ZNRF3: variants seen among roughly 807,000 people sequenced by gnomAD.
The protein encoded by ZNRF3 is zinc and ring finger 3.
In ZNRF3, 23 loss-of-function variants were observed where a neutral mutation model predicts 72.5. That is an observed-to-expected ratio of 0.32 (90% CI 0.23 to 0.45). ZNRF3 has a LOEUF of 0.45. Among genes scored for constraint, ZNRF3 ranks in the 20% least tolerant of loss-of-function variants. The probability of loss-of-function intolerance (pLI) is 1.00; values close to 1 mark genes in which losing one functional copy is unlikely to be tolerated. For synonymous variants in ZNRF3, 610 were observed against 545.3 expected, an observed-to-expected ratio of 1.12 and a Z score of -1.65; for missense variants, 1,169 against 1,272.1, an observed-to-expected ratio of 0.92 and a Z score of 1.23.
intron 1 of ZNRF3, among the ~76,000 whole-genome samples, chr22:28,957,906 C>T (rs922712156): frequency 6.6e-6 from 1 of 151,672 alleles, no homozygotes; most frequent in African/African-American, 2.4e-5. Context: ...ATAACTCTTG[C>T]TGGGCGCGGT....
intron 1 of ZNRF3, among the ~76,000 whole-genome samples, chr22:28,951,556 G>A (rs561268319): frequency 1.3e-3 from 199 of 152,256 alleles, no homozygotes; most frequent in Non-Finnish European, 2.4e-3. Context: ...CAACCCTGTC[G>A]ACATCTTGAT....
chr22:28,940,626 T>A (rs2034927094), intron 1 of ZNRF3, among the ~76,000 whole-genome samples: 1 of 151,962 alleles, frequency 6.6e-6, no homozygotes, highest in South Asian at 2.1e-4. Context: ...TGCCCTCCCC[T>A]TCAGAGGCTG....
intron 1 of ZNRF3, among the ~76,000 whole-genome samples, chr22:28,982,781 G>A (rs754880987): frequency 2.0e-5 from 3 of 152,132 alleles, no homozygotes; most frequent in Admixed American, 6.6e-5. Flanking sequence ...TCCTGAGCTC[G>A]TAACTTGGAG....
intron 1 of ZNRF3, among the ~76,000 whole-genome samples, chr22:28,919,652 G>A (rs570244502): frequency 4.1e-5 from 6 of 147,168 alleles, no homozygotes; most frequent in South Asian, 2.2e-4. Flanking sequence ...GATTACAGGC[G>A]CGTGCCACCA....
chr22:29,002,510 G>A (rs747768235), intron 2 of ZNRF3, among the ~76,000 whole-genome samples: 12 of 152,128 alleles, frequency 7.9e-5, no homozygotes, highest in African/African-American at 2.4e-5. Flanking sequence ...CTGCGCTTTC[G>A]GTGTGTTTGA....
In ZNRF3 at chr22:29,049,843, C is replaced by T. The variant is rs965735655; in HGVS notation, c.1662C>T (p.Ser554=). 2 of 1,608,798 alleles carry T rather than the reference C, an allele frequency of 1.2e-6. No individual in the cohort carries two copies. The highest frequency in any genetic ancestry group is 1.7e-6 in the Non-Finnish European group (2 of 1,177,508). The change falls in exon 8 of 9, where the codon AGC becomes AGT. Residue 554 remains serine (S), a synonymous_variant. Transcript: ENST00000544604. This position sits in a 1 kb window ranked among gnomAD's most constrained non-coding sequence, Gnocchi z 5.2. ...GCCCAGGCAGCGACAGCAGCAGCAGCAGCAGCTCCGGCCAGTGCCACTGTT... is the reference window on the plus strand; with the variant it reads ...GCCCAGGCAGCGACAGCAGCAGCAGTAGCAGCTCCGGCCAGTGCCACTGTT... ...ADCPGSDSSS[S]SSSGQCHCSS... is the part of the protein sequence containing the mutation.
intron 4 of ZNRF3, 93 bp downstream of exon 4, chr22:29,043,523 T>A: frequency 6.7e-7 from 1 of 1,495,328 alleles, no homozygotes; most frequent in Non-Finnish European, 9.1e-7. Context: ...TATCTCTGTC[T>A]GAAATGCTGG....
At chr22:28,897,067 G>A (rs1056376613) in intron 1 of ZNRF3, among the ~76,000 whole-genome samples, 2 of 152,114 alleles carry the variant, frequency 1.3e-5, no homozygotes, top group South Asian at 2.1e-4. Flanking sequence ...CACTGCAGTC[G>A]GCTCTCACAT....
intron 1 of ZNRF3, among the ~76,000 whole-genome samples, chr22:28,955,463 C>T: frequency 6.6e-6 from 1 of 152,162 alleles, no homozygotes; most frequent in East Asian, 1.9e-4. Flanking sequence ...CTCCTGTGTA[C>T]CACCTTGCAG....
At chr22:29,028,406 A>C (rs747203413) in intron 2 of ZNRF3, among the ~76,000 whole-genome samples, 24 of 152,168 alleles carry the variant, frequency 1.6e-4, no homozygotes, top group Non-Finnish European at 2.1e-4. Context: ...GTAAAGGGAA[A>C]TTTCAAGAGA....
chr22:28,884,874 T>C (rs748215259), intron 1 of ZNRF3, among the ~76,000 whole-genome samples: 2 of 152,216 alleles, frequency 1.3e-5, no homozygotes, highest in African/African-American at 2.4e-5. Flanking sequence ...GCCTACTCTT[T>C]GGAGGAGGGA....
intron 1 of ZNRF3, among the ~76,000 whole-genome samples, chr22:28,907,087 A>G (rs1359975957): frequency 6.6e-6 from 1 of 150,588 alleles, no homozygotes; most frequent in Non-Finnish European, 1.5e-5. Context: ...GGTTCAAGCA[A>G]TTCTCCTGCC....
chr22:29,008,519 C>T (rs997515448), intron 2 of ZNRF3, among the ~76,000 whole-genome samples: 1 of 152,192 alleles, frequency 6.6e-6, no homozygotes, highest in Non-Finnish European at 1.5e-5. Context: ...TTCTGATTCA[C>T]TCGAACTTTT....
intron 1 of ZNRF3, among the ~76,000 whole-genome samples, chr22:28,949,256 G>T (rs939946525): frequency 6.6e-6 from 1 of 151,536 alleles, no homozygotes; most frequent in Non-Finnish European, 1.5e-5. Context: ...GGGATTACAG[G>T]TGTGAGCCAC....
chr22:28,937,750 C>T (rs2034867374), intron 1 of ZNRF3, among the ~76,000 whole-genome samples: 1 of 152,194 alleles, frequency 6.6e-6, no homozygotes, highest in Non-Finnish European at 1.5e-5. Flanking sequence ...AGTCTTACCA[C>T]TCGGGAGAGA....
At chr22:28,910,336 C>G (rs2034294168) in intron 1 of ZNRF3, among the ~76,000 whole-genome samples, 1 of 152,318 alleles carries the variant, frequency 6.6e-6, no homozygotes, top group East Asian at 1.9e-4. Flanking sequence ...CCACCATGCC[C>G]AGCCTCTCCA....
At chr22:29,041,070 A>G (rs2036953979) in intron 2 of ZNRF3, among the ~76,000 whole-genome samples, 1 of 152,216 alleles carries the variant, frequency 6.6e-6, no homozygotes, top group Non-Finnish European at 1.5e-5. Flanking sequence ...TTTGCCTTCT[A>G]TACATACACA....
chr22:29,000,687 G>A (rs1315833127), intron 2 of ZNRF3, among the ~76,000 whole-genome samples: 8 of 152,182 alleles, frequency 5.3e-5, no homozygotes, highest in Non-Finnish European at 1.5e-5. Flanking sequence ...ATTGACTTAT[G>A]GTTCTGCAAG....
chr22:28,902,693 A>C (rs1389465953), intron 1 of ZNRF3, among the ~76,000 whole-genome samples: 1 of 152,210 alleles, frequency 6.6e-6, no homozygotes, highest in Non-Finnish European at 1.5e-5. Context: ...CTGCTGTGGA[A>C]AGATGGCTTT....
Sources: allele counts gnomAD v4.1 joint callset (sites outside exome capture counted in the v4.1 genomes callset), GRCh38; gene constraint gnomAD v4.1.1; non-coding constraint Gnocchi (gnomAD v3.1); transcripts MANE v1.5; gene names NCBI Gene and HGNC (gene_info 2026-07-23, HGNC 2026-07-21).